Variants in EDA observed in about 807,000 individuals in gnomAD.
EDA encodes the protein ectodysplasin A.
EDA carries 2 observed loss-of-function variants against 23.6 expected under a neutral mutation model. The ratio of observed to expected loss-of-function variants is 0.08; its 90% CI spans 0.03 to 0.27. The LOEUF (loss-of-function observed/expected upper bound fraction) is 0.27. EDA is among the 10% of genes least tolerant of loss of function. EDA has a pLI of 1.00. For synonymous variants in EDA, 131 were observed against 132.0 expected (o/e 0.99, Z 0.05); for missense variants, 229 against 324.2 (o/e 0.71, Z 2.26).
At chrX:69,944,946 G>C (rs2018813407) in intron 1 of EDA, among the ~76,000 whole-genome samples, 1 of 111,825 alleles carries the variant, frequency 8.9e-6, no homozygotes, top group Admixed American at 9.5e-5. Flanking sequence ...GCTTTCCGCT[G>C]TGACAGGGCA....
At chrX:69,682,195 C>T (rs1365039098) in intron 1 of EDA, among the ~76,000 whole-genome samples, 5 of 112,128 alleles carry the variant, frequency 4.5e-5, no homozygotes, top group Admixed American at 9.4e-5. Flanking sequence ...TCTCCAGCTG[C>T]GTGCTGGGAG....
intron 1 of EDA, among the ~76,000 whole-genome samples, chrX:69,939,543 C>T (rs1422669569): frequency 9.0e-6 from 1 of 111,063 alleles, no homozygotes; most frequent in Non-Finnish European, 1.9e-5. Context: ...AAAGATAATT[C>T]AACTTTGTCC....
intron 1 of EDA, among the ~76,000 whole-genome samples, chrX:69,695,512 C>CTTTTT (rs34298428): frequency 5.6e-5 from 5 of 88,845 alleles, no homozygotes; most frequent in South Asian, 5.6e-4. Context: ...TTCCTTCTTT[C>CTTTTT]TTTTTTTTTT....
At chrX:69,866,031 C>T (rs902212045) in intron 1 of EDA, among the ~76,000 whole-genome samples, 2 of 111,976 alleles carry the variant, frequency 1.8e-5, no homozygotes, top group East Asian at 2.8e-4. Flanking sequence ...GTCATGTGGT[C>T]GTAGCTGGTA....
At chrX:69,924,709 A>G (rs938823574) in intron 1 of EDA, among the ~76,000 whole-genome samples, 2 of 112,246 alleles carry the variant, frequency 1.8e-5, no homozygotes, top group East Asian at 5.6e-4. Flanking sequence ...TTTGATGGAA[A>G]TAACATTGAA....
At position 69,666,455 on chromosome X, in the gene EDA, A is replaced by G. The variant is rs1183098051; in HGVS notation, c.396+49751A>G. ...GTTTTTCATAAAATGGCCTTACATT[A>G]TGTTGAGGAACATTAATACCTAAAC... On this transcript the variant is annotated intron_variant, in intron 1 of 7. Transcript: ENST00000374552. Among the ~76,000 whole-genome samples, 3 of 112,607 alleles carry G rather than the reference A, an allele frequency of 2.7e-5. No homozygotes were observed. The East Asian group carries it at 8.3e-4, about 31-fold the overall frequency.
chrX:69,822,585 G>A (rs181869919), intron 1 of EDA, among the ~76,000 whole-genome samples: 11 of 112,077 alleles, frequency 9.8e-5, no homozygotes, highest in East Asian at 2.8e-4. Flanking sequence ...TCTAGCAGAT[G>A]CCTTAAATAC....
intron 1 of EDA, among the ~76,000 whole-genome samples, chrX:69,668,611 C>T (rs1055665390): frequency 3.6e-5 from 4 of 111,206 alleles, no homozygotes; most frequent in African/African-American, 1.3e-4. Context: ...GAGTCTCACC[C>T]TGTCACCCAG....
intron 1 of EDA, among the ~76,000 whole-genome samples, chrX:69,855,752 A>G (rs2017232818): frequency 1.8e-5 from 2 of 111,213 alleles, no homozygotes; most frequent in Admixed American, 1.9e-4. Flanking sequence ...ATAGCATGTT[A>G]CCTGCAGCTT....
intron 1 of EDA, among the ~76,000 whole-genome samples, chrX:69,718,658 A>G (rs980725433): frequency 9.0e-6 from 1 of 110,998 alleles, no homozygotes; most frequent in Non-Finnish European, 1.9e-5. Context: ...CTTGTTCATG[A>G]TGTATAATTC....
chrX:69,897,028 A>T (rs1417398286), intron 1 of EDA, among the ~76,000 whole-genome samples: 1 of 111,520 alleles, frequency 9.0e-6, no homozygotes, highest in East Asian at 2.8e-4. Context: ...AAGGTAAATG[A>T]ACTTTTGCTT....
chrX:69,903,216 A>T (rs755965308), intron 1 of EDA, among the ~76,000 whole-genome samples: 2 of 111,203 alleles, frequency 1.8e-5, no homozygotes, highest in African/African-American at 6.5e-5. Flanking sequence ...AGCCATTTGA[A>T]TTCTCTCAAC....
intron 1 of EDA, among the ~76,000 whole-genome samples, chrX:69,752,515 C>T (rs1185450768): frequency 8.9e-6 from 1 of 111,804 alleles, no homozygotes; most frequent in African/African-American, 3.3e-5. Flanking sequence ...CGATGTTCAT[C>T]AGGGATATTT....
At chrX:69,673,864 T>C (rs1933990876) in intron 1 of EDA, among the ~76,000 whole-genome samples, 1 of 111,536 alleles carries the variant, frequency 9.0e-6, no homozygotes, top group South Asian at 3.8e-4. Flanking sequence ...TCAGAGTGGA[T>C]ATATTAAATT....
intron 2 of EDA, among the ~76,000 whole-genome samples, chrX:70,002,602 C>T (rs1402621560): frequency 3.6e-5 from 4 of 111,897 alleles, no homozygotes; most frequent in African/African-American, 1.3e-4. Flanking sequence ...AAAGAGTTTG[C>T]AGTGGAATCT....
intron 1 of EDA, among the ~76,000 whole-genome samples, chrX:69,944,391 G>T (rs1424665612): frequency 1.8e-5 from 2 of 111,741 alleles, no homozygotes; most frequent in African/African-American, 6.5e-5. Flanking sequence ...AGCAGGTGAT[G>T]GATTCTGTCA....
At position 69,921,072 on chromosome X, in the gene EDA, C is replaced by T. The variant is rs756986815; in HGVS notation, c.397-35955C>T. Among the ~76,000 whole-genome samples the T allele has an allele frequency of 6.9e-4, 76 of 110,846 alleles. 1 individual carries two copies. Among genetic ancestry groups the T allele is most frequent in the Admixed American group, 1.9e-4 (2 of 10,307 alleles). ...GTTGTTCAAATCATTCTGGCTTTGG[C>T]CTTTGGGAGGTCTTTCAGTTGGCTC... On this transcript the variant is annotated intron_variant, in intron 1 of 7. Coordinates refer to ENST00000374552, the MANE Select transcript of EDA (RefSeq NM_001399.5).
At chrX:69,661,759 A>G (rs1346100454) in intron 1 of EDA, among the ~76,000 whole-genome samples, 1 of 111,508 alleles carries the variant, frequency 9.0e-6, no homozygotes, top group Non-Finnish European at 1.9e-5. Flanking sequence ...GCCTTGTAGT[A>G]TAGTTTGAAG....
At chrX:69,875,879 A>G (rs1302751287) in intron 1 of EDA, among the ~76,000 whole-genome samples, 1 of 112,322 alleles carries the variant, frequency 8.9e-6, no homozygotes, top group Non-Finnish European at 1.9e-5. Flanking sequence ...GCCAACAAAC[A>G]TATGAAAAAT....
Sources: gnomAD v4.1 joint callset for allele counts (sites outside exome capture counted in the v4.1 genomes callset) on GRCh38, gnomAD v4.1.1 for gene constraint, MANE v1.5 for transcripts, NCBI Gene and HGNC (gene_info 2026-07-23, HGNC 2026-07-21) for gene names.